Variants in DOK7 observed in about 807,000 individuals in gnomAD.
DOK7 encodes docking protein 7.
In DOK7, 32 loss-of-function variants were observed where a neutral mutation model predicts 30.7. The observed-to-expected ratio is 1.04, with a 90% CI of 0.79 to 1.40. The LOEUF is 1.40. Among genes scored for constraint, DOK7 ranks in the 40% most tolerant of loss-of-function variants. The pLI is 0.00. For synonymous variants in DOK7, 447 were observed against 324.1 expected, an observed-to-expected ratio of 1.38 and a Z score of -4.07; for missense variants, 1,007 against 699.2, an observed-to-expected ratio of 1.44 and a Z score of -4.97.
At chr4:3,495,427 G>T (rs1019741763), downstream of DOK7, among the ~76,000 whole-genome samples, 2 of 152,260 alleles carry the variant, frequency 1.3e-5, no homozygotes, top group African/African-American at 4.8e-5. Flanking sequence ...GCACCCCACA[G>T]CGGTGGCCTG....
intron 6 of DOK7, 141 bp downstream of exon 6, chr4:3,489,937 C>T (rs540046634): frequency 3.0e-6 from 4 of 1,333,092 alleles, no homozygotes; most frequent in South Asian, 3.0e-5. Context: ...CTCATTCATT[C>T]TTCCCCCAAC....
At chr4:3,479,941 C>T (rs938512463) in intron 4 of DOK7, among the ~76,000 whole-genome samples, 4 of 152,246 alleles carry the variant, frequency 2.6e-5, no homozygotes, top group Non-Finnish European at 5.9e-5. Context: ...GGTCTGTGGA[C>T]AGCTCAGGTC....
rs536566465 is a variant in DOK7 at position 3,500,527 on chromosome 4, A to G, written c.1261+124A>G. On this transcript the variant is annotated intron_variant, in intron 7 of 7. Transcript: ENST00000643608. ...GGAGCTTTTCCTACAGCCTCCCCCC[A>G]GGAGGCAAATGTCCCCAACTCCATC... 4.0e-5 allele frequency: 59 copies of G among 1,467,590 alleles called. No individual in the cohort carries two copies. The African/African-American group carries it at 6.4e-4, about 16-fold the overall frequency. 90.9% of individuals were successfully genotyped at this position (1,467,590 alleles called of 1,614,324 possible).
In DOK7 at chr4:3,494,139, T is replaced by G; in HGVS notation, c.*638T>G. The G allele has an allele frequency of 3.0e-6, 3 of 985,746 alleles. No homozygotes were observed. Among genetic ancestry groups the G allele is most frequent in the Non-Finnish European group, 3.6e-6 (3 of 830,162 alleles). 61.1% of individuals were successfully genotyped at this position (985,746 alleles called of 1,614,324 possible). On this transcript the variant is annotated 3_prime_UTR_variant, in exon 7 of 7. Transcript: ENST00000340083. ...CTTGTGGGAAGGTTCCGGGAGCAGG[T>G]GGTGTCCTCAGAGCAGCCTCGCCTG...
downstream of DOK7, among the ~76,000 whole-genome samples, chr4:3,497,408 G>A (rs1289437655): frequency 6.6e-6 from 1 of 152,036 alleles, no homozygotes; most frequent in Non-Finnish European, 1.5e-5. Flanking sequence ...AGGTTGGGAG[G>A]GAGGGCCAGG....
intron 2 of DOK7, among the ~76,000 whole-genome samples, chr4:3,468,291 T>C (rs988695299): frequency 2.0e-5 from 3 of 151,846 alleles, no homozygotes; most frequent in South Asian, 2.1e-4. Context: ...GGAGTGTGTG[T>C]GCACGTGTGC....
intron 2 of DOK7, among the ~76,000 whole-genome samples, chr4:3,469,140 T>C (rs1434514829): frequency 6.7e-6 from 1 of 150,336 alleles, no homozygotes; most frequent in Non-Finnish European, 1.5e-5. Flanking sequence ...TGTGTGCGTG[T>C]ATGTGTCTGT....
At chr4:3,500,836 C>A (rs2109447298) in exon 8 of DOK7, 2 of 1,524,946 alleles carry the variant, frequency 1.3e-6, no homozygotes, top group East Asian at 2.5e-5. Flanking sequence ...GGTCACAGCG[C>A]CAGGAGCTGA....
intron 6 of DOK7, 115 bp downstream of exon 6, chr4:3,489,911 T>C: frequency 6.9e-7 from 1 of 1,449,594 alleles, no homozygotes; most frequent in Non-Finnish European, 9.2e-7. Flanking sequence ...CATTCATTCA[T>C]TCCTTCTGTC....
chr4:3,467,145 A>G (rs1346710908), intron 2 of DOK7, among the ~76,000 whole-genome samples: 1 of 151,832 alleles, frequency 6.6e-6, no homozygotes, highest in Non-Finnish European at 1.5e-5. Flanking sequence ...GCTGTCCCGC[A>G]GCCACTTCTG....
At chr4:3,472,523 G>A (rs532877739) in intron 2 of DOK7, among the ~76,000 whole-genome samples, 5 of 152,340 alleles carry the variant, frequency 3.3e-5, no homozygotes, top group Admixed American at 6.5e-5. Context: ...CGGGAGGGCC[G>A]GGAGTCTTCC....
intron 5 of DOK7, 136 bp from the exon 6 acceptor site, chr4:3,489,541 C>T (rs1271630525): frequency 2.8e-5 from 39 of 1,399,932 alleles, no homozygotes; most frequent in Middle Eastern, 2.4e-4. Context: ...GATGAGGCAT[C>T]GGGAGGAGCG....
At chr4:3,494,657 G>GGGGCAGCTCC (rs1553850825), downstream of DOK7, among the ~76,000 whole-genome samples, 2 of 152,178 alleles carry the variant, frequency 1.3e-5, no homozygotes, top group Non-Finnish European at 2.9e-5. Flanking sequence ...GGTGTGCGGA[G>GGGGCAGCTCC]AGGCAGCTCC....
chr4:3,475,131 G>T (rs905657622), intron 3 of DOK7, among the ~76,000 whole-genome samples: 1 of 152,176 alleles, frequency 6.6e-6, no homozygotes, highest in African/African-American at 2.4e-5. Flanking sequence ...GAGGAGGTGC[G>T]GTTGGCTCTG....
At chr4:3,477,662 G>T (rs374138658) in intron 4 of DOK7, among the ~76,000 whole-genome samples, 1 of 152,238 alleles carries the variant, frequency 6.6e-6, no homozygotes, top group African/African-American at 2.4e-5. Flanking sequence ...GACTGGGGGC[G>T]TACACAGCCA....
At chr4:3,500,487 G>A in intron 7 of DOK7, 1 of 1,503,278 alleles carries the variant, frequency 6.7e-7, no homozygotes, top group Non-Finnish European at 8.9e-7. Flanking sequence ...GCCCCACCCA[G>A]CAGCCCTTGG....
chr4:3,499,123 C>G (rs1729068829), downstream of DOK7, among the ~76,000 whole-genome samples: 1 of 152,220 alleles, frequency 6.6e-6, no homozygotes, highest in African/African-American at 2.4e-5. Flanking sequence ...ACAGGAGAAC[C>G]TGGTCTGCTG....
rs1577185702 is a variant in DOK7 at position 3,493,895 on chromosome 4, T to G, written c.*394T>G. 1 of 1,069,006 alleles carries G rather than the reference T, an allele frequency of 9.4e-7. No homozygotes were observed. The highest frequency in any genetic ancestry group is 1.7e-5 in the African/African-American group (1 of 59,270). 66.2% of individuals were successfully genotyped at this position (1,069,006 alleles called of 1,614,324 possible). ...TTGGGCCTCACGCCCCCTTCGGGGG[T>G]GGCCGGTTCTCCCCATCACCTCTCT... On this transcript the variant is annotated 3_prime_UTR_variant, in exon 7 of 7. Transcript: ENST00000340083.
rs16844467 is a variant in DOK7, at chr4:3,493,303, C to G, written c.1317C>G (p.Ser439=). ...SAARDSGGQT[S]AGCPSGWLGT... is the part of the protein sequence containing the mutation. ...CCAGGGACTCAGGCGGCCAGACGTC[C>G]GCCGGGTGTCCCTCTGGCTGGCTGG... The change falls in exon 7 of 7, where the codon TCC becomes TCG. Residue 439 remains serine, a synonymous_variant. Transcript: ENST00000340083. 6.2e-7 allele frequency: 1 copy of G among 1,606,308 alleles called. No individual in the cohort carries two copies. The highest frequency in any genetic ancestry group is 1.7e-5 in the Admixed American group (1 of 59,370).
Sources: gnomAD v4.1 joint callset for allele counts (sites outside exome capture counted in the v4.1 genomes callset) on GRCh38, gnomAD v4.1.1 for gene constraint, MANE v1.5 for transcripts, NCBI Gene and HGNC (gene_info 2026-07-23, HGNC 2026-07-21) for gene names.